The following ITGA1 variants were observed in gnomAD, a reference collection of about 807,000 sequenced individuals.
The protein encoded by ITGA1 is integrin alpha-1.
A neutral mutation model predicts 145.9 loss-of-function variants in ITGA1; 85 were observed. That is an observed-to-expected ratio of 0.58 (90% CI 0.49 to 0.70). ITGA1 has a LOEUF of 0.70. ITGA1 is among the 30% of genes least tolerant of loss of function. The pLI, the probability that ITGA1 is intolerant of heterozygous loss-of-function variation, is 0.00. For synonymous variants in ITGA1, 520 were observed against 495.3 expected (o/e 1.05, Z -0.66); for missense variants, 1,351 against 1,418.7 (o/e 0.95, Z 0.77).
In ITGA1 at chr5:52,953,054, A is replaced by G. The variant is rs1353290428; in HGVS notation, c.*603A>G. The G allele has an allele frequency of 6.6e-6, 1 of 152,122 alleles. No individual in the cohort carries two copies. The highest frequency in any genetic ancestry group is 1.5e-5 in the Non-Finnish European group (1 of 68,020). 9.4% of individuals were successfully genotyped at this position (152,122 alleles called of 1,614,324 possible). A position where few individuals can be genotyped will look rare whatever the true frequency, so the allele number is the denominator to read the frequency against. On this transcript the variant is annotated 3_prime_UTR_variant, in exon 29 of 29. Coordinates refer to ENST00000282588, the MANE Select transcript of ITGA1 (RefSeq NM_181501.2). ...AAATTTTCCCTCCCTGCCCAAGGTGATTGGAAAGTACTGCAATTGAGCTAA... is the reference window on the plus strand; with the variant it reads ...AAATTTTCCCTCCCTGCCCAAGGTGGTTGGAAAGTACTGCAATTGAGCTAA...
At chr5:52,801,104 G>A (rs1748470308) in intron 1 of ITGA1, 1 of 1,603,106 alleles carries the variant, frequency 6.2e-7, no homozygotes, top group Non-Finnish European at 8.5e-7. Flanking sequence ...CTGGAAAACC[G>A]GTCCAAATTT....
intron 6 of ITGA1, among the ~76,000 whole-genome samples, chr5:52,869,217 A>G (rs1213655795): frequency 6.6e-6 from 1 of 152,102 alleles, no homozygotes; most frequent in Non-Finnish European, 1.5e-5. Context: ...CTGGAGTGCA[A>G]TGGTACGATC....
At chr5:52,804,778 T>C (rs1340425994) in intron 1 of ITGA1, among the ~76,000 whole-genome samples, 1 of 152,124 alleles carries the variant, frequency 6.6e-6, no homozygotes, top group Non-Finnish European at 1.5e-5. Flanking sequence ...ATTTAAACCA[T>C]GTGGTTTTCC....
At chr5:52,830,182 A>G (rs1296563497) in intron 1 of ITGA1, among the ~76,000 whole-genome samples, 1 of 152,168 alleles carries the variant, frequency 6.6e-6, no homozygotes, top group Non-Finnish European at 1.5e-5. Context: ...ACTTTGGACA[A>G]TGGCCTTATT....
chr5:52,851,116 A>G (rs935668013), intron 2 of ITGA1, among the ~76,000 whole-genome samples: 1 of 152,218 alleles, frequency 6.6e-6, no homozygotes, highest in Non-Finnish European at 1.5e-5. Flanking sequence ...TAAACCACCT[A>G]CTTAAAATGA....
At chr5:52,881,662 A>G (rs1036375528) in intron 6 of ITGA1, among the ~76,000 whole-genome samples, 1 of 152,230 alleles carries the variant, frequency 6.6e-6, no homozygotes, top group African/African-American at 2.4e-5. Context: ...TCGTTTGAGA[A>G]GTTTAGTAAC....
chr5:52,913,502 C>T (rs1267365302), intron 14 of ITGA1, among the ~76,000 whole-genome samples: 1 of 152,064 alleles, frequency 6.6e-6, no homozygotes, highest in African/African-American at 2.4e-5. Flanking sequence ...CAGCTCTAAT[C>T]CATAAGTGTA....
In ITGA1 at chr5:52,958,900, A is replaced by C. The variant is rs930004818; in HGVS notation, c.*6449A>C. The C allele has an allele frequency of 6.6e-6, 1 of 152,130 alleles. No individual in the cohort carries two copies. The highest frequency in any genetic ancestry group is 2.4e-5 in the African/African-American group (1 of 41,430). The allele number at this position is 152,130 out of a possible 1,614,324, so 9.4% of individuals were successfully genotyped here. A position where few individuals can be genotyped will look rare whatever the true frequency, so the allele number is the denominator to read the frequency against. ...AAACTCATTAGAAGAAAATGTTTCG[A>C]TTGCATTCAGGAACAAAGAAGCATA... On this transcript the variant is annotated 3_prime_UTR_variant, in exon 29 of 29. Coordinates refer to ENST00000282588, the MANE Select transcript of ITGA1 (RefSeq NM_181501.2).
At chr5:52,792,583 G>C (rs1748263425) in intron 1 of ITGA1, among the ~76,000 whole-genome samples, 1 of 152,158 alleles carries the variant, frequency 6.6e-6, no homozygotes, top group Non-Finnish European at 1.5e-5. Context: ...TCAGTAGATA[G>C]ATGCTCCTCT....
chr5:52,949,042 G>T (rs190708576), intron 28 of ITGA1: 191 of 152,122 alleles, frequency 1.3e-3, no homozygotes, highest in African/African-American at 4.5e-3. Flanking sequence ...AGCTTCTTAG[G>T]TTATTATTAA....
rs531424668 is a variant in ITGA1 at position 52,878,149 on chromosome 5, C to T, written c.625-3724C>T. 3.3e-5 allele frequency among the ~76,000 whole-genome samples: 5 copies of T among 152,166 alleles called. No homozygotes were observed. In the South Asian group the frequency reaches 8.3e-4, roughly 25 times the overall value. On this transcript the variant is annotated intron_variant, in intron 6 of 28. Transcript: ENST00000282588. ...CAGGGTGATGGGGAGCTGAGGAGGACGGGGGACTCCCAGACACTCCTGGTT... is the reference window on the plus strand; with the variant it reads ...CAGGGTGATGGGGAGCTGAGGAGGATGGGGGACTCCCAGACACTCCTGGTT...
At chr5:52,910,976 ATAGTATGTATAC>A (rs1750505247) in intron 14 of ITGA1, among the ~76,000 whole-genome samples, 2 of 130,278 alleles carry the variant, frequency 1.5e-5, no homozygotes, top group African/African-American at 5.9e-5. Flanking sequence ...TATACTATAT[ATAGTATGTATAC>A]TATATATAGT....
chr5:52,913,459 T>G (rs1264244149), intron 14 of ITGA1, among the ~76,000 whole-genome samples: 2 of 152,240 alleles, frequency 1.3e-5, no homozygotes, highest in African/African-American at 2.4e-5. Flanking sequence ...AGGGAACTTC[T>G]GTTATTCCTG....
chr5:52,894,524 A>C (rs72756582), intron 9 of ITGA1, among the ~76,000 whole-genome samples: 36,421 of 152,076 alleles, frequency 0.24, 4,517 homozygotes, highest in South Asian at 0.34. Context: ...AAAAAACAAA[A>C]AAAAAAAGTC....
Position 52,800,791 on chromosome 5 carries a change from T to G in ITGA1, c.61+12377T>G, listed in dbSNP as rs747511590. On this transcript the variant is annotated intron_variant, in intron 1 of 28. Transcript: ENST00000282588. ...CATCGAGCAGGCCTGTGACCCAGCC[T>G]GGAGCGCTGATGTGGCGGCTGTGGT... is the stretch of plus-strand genomic sequence containing the variant. 1.4e-5 allele frequency: 22 copies of G among 1,613,408 alleles called. No homozygotes were observed. In the East Asian group the frequency reaches 4.9e-4, roughly 36 times the overall value.
At chr5:52,898,467 C>A in intron 11 of ITGA1, 84 bp downstream of exon 11, 1 of 1,199,472 alleles carries the variant, frequency 8.3e-7, no homozygotes, top group Non-Finnish European at 1.2e-6. Flanking sequence ...TTTCTATAGG[C>A]TTGCAACCAT....
At chr5:52,942,315 T>C (rs144291103) in intron 26 of ITGA1, among the ~76,000 whole-genome samples, 1 of 152,268 alleles carries the variant, frequency 6.6e-6, no homozygotes, top group East Asian at 1.9e-4. Context: ...CTGTGAAAAA[T>C]GATGTTGGTA....
At chr5:52,916,694 C>T (rs1750652964) in intron 15 of ITGA1, among the ~76,000 whole-genome samples, 1 of 152,060 alleles carries the variant, frequency 6.6e-6, no homozygotes, top group African/African-American at 2.4e-5. Context: ...GTGGCTGGGA[C>T]TTTGGGGAGG....
intron 1 of ITGA1, among the ~76,000 whole-genome samples, chr5:52,844,083 T>C (rs1328016685): frequency 6.6e-6 from 1 of 152,220 alleles, no homozygotes; most frequent in Non-Finnish European, 1.5e-5. Flanking sequence ...AATTTCTTTT[T>C]ATAAGAGATA....
Sources: gnomAD v4.1 joint callset for allele counts (sites outside exome capture counted in the v4.1 genomes callset) on GRCh38, gnomAD v4.1.1 for gene constraint, MANE v1.5 for transcripts, NCBI Gene and HGNC (gene_info 2026-07-23, HGNC 2026-07-21) for gene names.